The following SPIDR variants were observed in gnomAD, a reference collection of about 807,000 sequenced individuals.
SPIDR encodes the protein scaffold protein involved in DNA repair.
SPIDR carries 93 observed loss-of-function variants against 104.6 expected under a neutral mutation model. The ratio of observed to expected loss-of-function variants is 0.89; its 90% confidence interval spans 0.75 to 1.06. The LOEUF (loss-of-function observed/expected upper bound fraction) is 1.06, where lower values mean the gene tolerates loss of function less well. Among genes scored for constraint, SPIDR ranks in the 50% least tolerant of loss-of-function variants. SPIDR has a pLI of 0.00. For missense variants in SPIDR, 1,154 were observed against 1,111.2 expected (o/e 1.04, Z -0.55); for synonymous variants, 431 against 416.9 (o/e 1.03, Z -0.41).
At chr8:47,658,735 G>T (rs1241033554) in intron 10 of SPIDR, among the ~76,000 whole-genome samples, 1 of 151,900 alleles carries the variant, frequency 6.6e-6, no homozygotes, top group Non-Finnish European at 1.5e-5. Context: ...AGGAGTTCGA[G>T]ACCAGCCTGG....
Position 47,424,862 on chromosome 8 carries a change from C to T in SPIDR, c.878-15461C>T, listed in dbSNP as rs546089813. ...ACAATTTTTGTGCCTTCTGAGTATG[C>T]TGGGATTACAGGCGCCTGCCACCAC... On this transcript the variant is annotated intron_variant, in intron 7 of 19. Coordinates refer to ENST00000297423, the MANE Select transcript of SPIDR (RefSeq NM_001080394.4). Among the ~76,000 whole-genome samples, 27 of 152,234 alleles carry T rather than the reference C, an allele frequency of 1.8e-4. No individual in the cohort carries two copies. The East Asian group carries it at 5.0e-3, about 28-fold the overall frequency.
At chr8:47,311,976 T>G (rs2044259654) in intron 5 of SPIDR, among the ~76,000 whole-genome samples, 1 of 152,174 alleles carries the variant, frequency 6.6e-6, no homozygotes, top group Non-Finnish European at 1.5e-5. Context: ...GGTGTTTGGT[T>G]TTTTGTCCTT....
intron 6 of SPIDR, among the ~76,000 whole-genome samples, chr8:47,404,535 G>A (rs935662249): frequency 1.3e-5 from 2 of 152,168 alleles, no homozygotes; most frequent in African/African-American, 4.8e-5. Context: ...CAAAAAGTGG[G>A]CAAGGGATAT....
rs183783148 is a variant in SPIDR at position 47,443,710 on chromosome 8, T to C, written c.1097+3168T>C. ...TTTTTCCTTGTGGACTGGCTGTCCT[T>C]TTCCCACTAGCACCCTTCTGTGTTC... On this transcript the variant is annotated intron_variant, in intron 8 of 19. Transcript: ENST00000297423. 4.1e-3 allele frequency among the ~76,000 whole-genome samples: 625 copies of C among 152,056 alleles called. 1 individual carries two copies. Among genetic ancestry groups the C allele is most frequent in the Non-Finnish European group, 6.5e-3 (441 of 67,966 alleles).
chr8:47,538,504 A>G (rs967385020), intron 8 of SPIDR, among the ~76,000 whole-genome samples: 2 of 152,170 alleles, frequency 1.3e-5, no homozygotes, highest in Non-Finnish European at 2.9e-5. Flanking sequence ...AGATCATGCC[A>G]CTGCACCCCA....
rs79388849 is a variant in SPIDR, at chr8:47,320,069, C to A, written c.525+26039C>A. On this transcript the variant is annotated intron_variant, in intron 5 of 19. Transcript: ENST00000297423. Reference sequence around the variant, plus strand: ...AAGCAAGAGCAAACACATTCAAAAGCTAGCAGAAGGCAAGAAATAACTAAG... The same window carrying A: ...AAGCAAGAGCAAACACATTCAAAAGATAGCAGAAGGCAAGAAATAACTAAG... Among the ~76,000 whole-genome samples the A allele has an allele frequency of 5.4e-3, 821 of 151,906 alleles. 20 individuals carry two copies. Among genetic ancestry groups the A allele is most frequent in the East Asian group, 0.049 (252 of 5,132 alleles).
intron 8 of SPIDR, among the ~76,000 whole-genome samples, chr8:47,442,369 T>C (rs2069604167): frequency 6.6e-6 from 1 of 151,792 alleles, no homozygotes; most frequent in South Asian, 2.1e-4. Flanking sequence ...TATATGTAAG[T>C]TATGTAATCC....
At chr8:47,602,307 A>G (rs1029406249) in intron 10 of SPIDR, among the ~76,000 whole-genome samples, 4 of 152,228 alleles carry the variant, frequency 2.6e-5, no homozygotes, top group Non-Finnish European at 5.9e-5. Context: ...TTGCATAAGC[A>G]GTGACCCCTT....
At chr8:47,495,557 A>AT (rs1178299442) in intron 8 of SPIDR, among the ~76,000 whole-genome samples, 1 of 151,886 alleles carries the variant, frequency 6.6e-6, no homozygotes, top group East Asian at 1.9e-4. Context: ...CAGCTTATCT[A>AT]TTTTTTTATT....
chr8:47,443,571 C>CAAAAA (rs782463880), intron 8 of SPIDR, among the ~76,000 whole-genome samples: 1 of 30,150 alleles, frequency 3.3e-5, no homozygotes, highest in Non-Finnish European at 7.0e-5. Context: ...ACCCTGTCGC[C>CAAAAA]AAAAAAAAAA....
At chr8:47,675,332 G>C (rs535309447) in intron 11 of SPIDR, among the ~76,000 whole-genome samples, 6 of 152,082 alleles carry the variant, frequency 3.9e-5, no homozygotes, top group Non-Finnish European at 5.9e-5. Flanking sequence ...TACCACGCCC[G>C]GCCAGCTATG....
At chr8:47,443,153 C>G (rs1351335870) in intron 8 of SPIDR, among the ~76,000 whole-genome samples, 1 of 152,086 alleles carries the variant, frequency 6.6e-6, no homozygotes, top group African/African-American at 2.4e-5. Context: ...GAGTTATTAT[C>G]ATTAGACTTT....
At chr8:47,718,724 G>A (rs1031077575) in intron 16 of SPIDR, among the ~76,000 whole-genome samples, 2 of 151,974 alleles carry the variant, frequency 1.3e-5, no homozygotes, top group Non-Finnish European at 2.9e-5. Context: ...TAGAAATATT[G>A]AAGAATAGAA....
intron 8 of SPIDR, among the ~76,000 whole-genome samples, chr8:47,489,471 A>G (rs544614559): frequency 8.8e-4 from 134 of 152,318 alleles, no homozygotes; most frequent in Middle Eastern, 3.4e-3. Context: ...CAAGCTACCA[A>G]TGACTTTCTT....
intron 5 of SPIDR, among the ~76,000 whole-genome samples, chr8:47,327,936 G>A (rs563144463): frequency 1.3e-5 from 2 of 151,250 alleles, no homozygotes; most frequent in East Asian, 2.0e-4. Context: ...GAGCTGAAGC[G>A]ATCCACCCAC....
At position 47,390,590 on chromosome 8, in the gene SPIDR, TA is replaced by T. The variant is rs57154421; in HGVS notation, c.526-5772del. The stretch of plus-strand genomic sequence containing the variant: ...ATATAGGACATATCAACCATACCAT[TA>T]AAAAAAAAAAAAACTAAAGAAAAAC... On this transcript the variant is annotated intron_variant, in intron 5 of 19. Coordinates refer to ENST00000297423, the MANE Select transcript of SPIDR (RefSeq NM_001080394.4). Among the ~76,000 whole-genome samples, 512 of 138,160 alleles carry T rather than the reference TA, an allele frequency of 3.7e-3. 3 individuals are homozygous for T. The highest frequency in any genetic ancestry group is 0.025 in the South Asian group (108 of 4,396). 90.6% of individuals were successfully genotyped at this position (138,160 alleles called of 152,430 possible).
chr8:47,472,610 A>G (rs2154358387), intron 8 of SPIDR, among the ~76,000 whole-genome samples: 2 of 152,356 alleles, frequency 1.3e-5, no homozygotes, highest in Middle Eastern at 6.8e-3. Context: ...TTCTGAAAGA[A>G]TGTGAGTTAT....
intron 5 of SPIDR, among the ~76,000 whole-genome samples, chr8:47,372,686 CATG>C (rs1451415388): frequency 1.3e-5 from 2 of 151,946 alleles, no homozygotes; most frequent in Non-Finnish European, 2.9e-5. Context: ...ATTTAATCCT[CATG>C]ATGATTTTGT....
At chr8:47,463,610 A>G (rs577400825) in intron 8 of SPIDR, among the ~76,000 whole-genome samples, 4 of 152,332 alleles carry the variant, frequency 2.6e-5, no homozygotes, top group African/African-American at 9.6e-5. Context: ...AATATTGATG[A>G]AAAAATCCTC....
Sources: allele counts gnomAD v4.1 joint callset (sites outside exome capture counted in the v4.1 genomes callset), GRCh38; gene constraint gnomAD v4.1.1; transcripts MANE v1.5; gene names NCBI Gene and HGNC (gene_info 2026-07-23, HGNC 2026-07-21).